PPP1R13L: variants seen among roughly 807,000 people sequenced by gnomAD.
The protein encoded by PPP1R13L is protein phosphatase 1 regulatory subunit 13 like, also known as relA-associated inhibitor.
A neutral mutation model predicts 80.9 loss-of-function variants in PPP1R13L; 50 were observed. The ratio of observed to expected loss-of-function variants is 0.62; its 90% CI spans 0.49 to 0.78. PPP1R13L has a LOEUF of 0.78. PPP1R13L is among the 30% of genes least tolerant of loss of function. PPP1R13L has a pLI of 0.00. For missense variants in PPP1R13L, 1,200 were observed against 1,205.9 expected, an observed-to-expected ratio of 1.00 and a Z score of 0.07; for synonymous variants, 602 against 534.3, an observed-to-expected ratio of 1.13 and a Z score of -1.75.
At chr19:45,393,972 G>A (rs1973031012) in intron 7 of PPP1R13L, among the ~76,000 whole-genome samples, 1 of 151,972 alleles carries the variant, frequency 6.6e-6, no homozygotes, top group Admixed American at 6.6e-5. Flanking sequence ...AATTCTATAG[G>A]GTAGATATTA....
chr19:45,401,170 G>A (rs994594014), intron 1 of PPP1R13L, among the ~76,000 whole-genome samples: 5 of 151,230 alleles, frequency 3.3e-5, no homozygotes, highest in African/African-American at 9.7e-5. Flanking sequence ...TGGCTAACAC[G>A]GTGAAACCCT....
At chr19:45,395,333 G>C in intron 7 of PPP1R13L, 103 bp downstream of exon 7, 2 of 1,437,808 alleles carry the variant, frequency 1.4e-6, no homozygotes, top group Non-Finnish European at 1.9e-6. Context: ...TGCTTGTAAA[G>C]AGGCATTTGG....
rs1353592506 is a variant in PPP1R13L at position 45,386,109 on chromosome 19, C to G, written c.1887G>C (p.Val629=). 4 of 1,574,126 alleles carry G rather than the reference C, an allele frequency of 2.5e-6. No homozygotes were observed. The African/African-American group carries it at 5.4e-5, about 21-fold the overall frequency. Residue 629 remains valine, a synonymous_variant, in exon 9 of 13, where the codon GTG becomes GTC. Coordinates refer to ENST00000360957, the MANE Select transcript of PPP1R13L (RefSeq NM_006663.4). ...CGGTCAGCGCCGCGTCCAGGAGGAG[C>G]ACCAGAGGGTTGAGGCGCGCGCGGC... ...KARRARLNPL[V]LLLDAALTGE...
Position 45,380,096 on chromosome 19 carries a change from G to A in PPP1R13L, c.*94C>T, listed in dbSNP as rs1347448100. 4.9e-5 allele frequency: 68 copies of A among 1,386,246 alleles called. 1 individual carries two copies. Among genetic ancestry groups the A allele is most frequent in the South Asian group, 1.1e-4 (9 of 83,802 alleles). 85.9% of individuals were successfully genotyped at this position (1,386,246 alleles called of 1,614,324 possible). A position where few individuals can be genotyped will look rare whatever the true frequency, so the allele number is the denominator to read the frequency against. The stretch of plus-strand genomic sequence containing the variant: ...AGGACCACCACCAGCAGGGTGAGGG[G>A]TGCAGATAAAGGCAGCAAAAAACAG... On this transcript the variant is annotated 3_prime_UTR_variant, in exon 13 of 13. Transcript: ENST00000360957.
At position 45,396,290 on chromosome 19, in the gene PPP1R13L, G is replaced by C. The variant is rs1484769600; in HGVS notation, c.812-31C>G. The C allele has an allele frequency of 1.2e-6, 2 of 1,613,478 alleles. No individual in the cohort carries two copies. The highest frequency in any genetic ancestry group is 1.7e-6 in the Non-Finnish European group (2 of 1,179,946). On this transcript the variant is annotated intron_variant, in intron 5 of 12. Transcript: ENST00000360957. This position sits in a 1 kb window ranked among gnomAD's most constrained non-coding sequence, Gnocchi z 5.3. ...GGGCGGGAATCATTAGGGTCTGTGG[G>C]GCTGCCTCTCCTCCGGGTCCTCCAT...
intron 12 of PPP1R13L, among the ~76,000 whole-genome samples, chr19:45,381,434 C>T (rs1972761108): frequency 6.6e-6 from 1 of 152,030 alleles, no homozygotes; most frequent in Non-Finnish European, 1.5e-5. Flanking sequence ...CCTCTCCCAG[C>T]CTTAATCTAC....
rs772790679 is a variant in PPP1R13L at position 45,392,018 on chromosome 19, G to A, written c.1677C>T (p.Pro559=). The A allele has an allele frequency of 1.6e-5, 24 of 1,540,418 alleles. No homozygotes were observed. Among genetic ancestry groups the A allele is most frequent in the Middle Eastern group, 1.8e-4 (1 of 5,680 alleles). ...GGGACAGCTCTGGCTCCGGCCCCCC[G>A]GGCCCTGGCCCCCCATGACGATGGA... ...RLFHRHGGPG[P]GGPEPELSPI... Residue 559 remains proline, a synonymous_variant, in exon 8 of 13, where the codon CCC becomes CCT. Coordinates refer to ENST00000360957, the MANE Select transcript of PPP1R13L (RefSeq NM_006663.4).
At chr19:45,399,361 ACG>A (rs1179066673) in intron 1 of PPP1R13L, among the ~76,000 whole-genome samples, 1 of 150,634 alleles carries the variant, frequency 6.6e-6, no homozygotes, top group Non-Finnish European at 1.5e-5. Context: ...GCGGTGGCTC[ACG>A]CCTGTAATTC....
At chr19:45,403,645 G>A (rs984047541) in intron 1 of PPP1R13L, among the ~76,000 whole-genome samples, 5 of 152,140 alleles carry the variant, frequency 3.3e-5, no homozygotes, top group Non-Finnish European at 7.3e-5. Flanking sequence ...TCTAGACAAT[G>A]CGAGCTTTCC....
At chr19:45,394,874 CAG>C (rs1973049222) in intron 7 of PPP1R13L, 1 of 111,878 alleles carries the variant, frequency 8.9e-6, no homozygotes, top group Middle Eastern at 5.3e-3. Flanking sequence ...TTTTTTGAGG[CAG>C]AGTCTCCCCG....
At position 45,392,427 on chromosome 19, in the gene PPP1R13L, C is replaced by A. The variant is rs550829595; in HGVS notation, c.1355-87G>T. On this transcript the variant is annotated intron_variant, in intron 7 of 12. Coordinates refer to ENST00000360957, the MANE Select transcript of PPP1R13L (RefSeq NM_006663.4). Reference sequence around the variant, plus strand: ...CACAACTTCCAGGGCATACAACCAGCACATGATTTTCTGTGTGACCTCAGG... The same window carrying A: ...CACAACTTCCAGGGCATACAACCAGAACATGATTTTCTGTGTGACCTCAGG... The A allele has an allele frequency of 2.1e-5, 29 of 1,369,862 alleles. No homozygotes were observed. The South Asian group carries it at 2.6e-4, about 12-fold the overall frequency. The allele number at this position is 1,369,862 out of a possible 1,614,324, so 84.9% of individuals were successfully genotyped here. A position where few individuals can be genotyped will look rare whatever the true frequency, so the allele number is the denominator to read the frequency against.
chr19:45,399,443 T>C (rs1420183265), intron 1 of PPP1R13L, among the ~76,000 whole-genome samples: 2 of 145,778 alleles, frequency 1.4e-5, no homozygotes, highest in Admixed American at 6.9e-5. Context: ...GCTAACATGG[T>C]GAAACCCCGT....
intron 8 of PPP1R13L, among the ~76,000 whole-genome samples, chr19:45,389,111 G>A (rs143722569): frequency 5.9e-4 from 90 of 152,202 alleles, no homozygotes; most frequent in African/African-American, 2.0e-3. Context: ...ATCCTAAGAC[G>A]GTGACACTAG....
intron 12 of PPP1R13L, among the ~76,000 whole-genome samples, chr19:45,381,988 C>A (rs533177774): frequency 1.4e-3 from 213 of 152,024 alleles, no homozygotes; most frequent in African/African-American, 5.0e-3. Flanking sequence ...TGCCTGTAAT[C>A]CCAGCACTTT....
Position 45,380,191 on chromosome 19 carries a change from T to A in PPP1R13L, c.2486A>T (p.Ter829LeuextTer59), listed in dbSNP as rs1457541808. Residue 829 changes from the stop codon to leucine, a stop_lost, in exon 13 of 13, where the codon TAG becomes TTG. Coordinates refer to ENST00000360957, the MANE Select transcript of PPP1R13L (RefSeq NM_006663.4). ...CCTCAGAAACCTCCTTCTATCCTGC[T>A]AGACTTTACTCCTTTGAGGCTTCAC... ...PRVKPQRSKV[*>L] 1.2e-6 allele frequency: 2 copies of A among 1,614,048 alleles called. No individual in the cohort carries two copies. The highest frequency in any genetic ancestry group is 1.7e-6 in the Non-Finnish European group (2 of 1,179,958).
chr19:45,399,395 AG>A (rs1973184416), intron 1 of PPP1R13L, among the ~76,000 whole-genome samples: 3 of 142,858 alleles, frequency 2.1e-5, no homozygotes, highest in African/African-American at 7.8e-5. Flanking sequence ...GAGGCCAAGG[AG>A]GGCGGATCAC....
intron 11 of PPP1R13L, among the ~76,000 whole-genome samples, chr19:45,383,035 C>T (rs1972797054): frequency 7.2e-6 from 1 of 139,638 alleles, no homozygotes; most frequent in African/African-American, 2.7e-5. Context: ...CGCTCTGTCG[C>T]CCAGGCTGGA....
intron 8 of PPP1R13L, among the ~76,000 whole-genome samples, chr19:45,389,863 T>C (rs1972935747): frequency 6.6e-6 from 1 of 151,990 alleles, no homozygotes; most frequent in South Asian, 2.1e-4. Flanking sequence ...TGGCGCGATC[T>C]CAGCTCACCA....
rs769332146 is a variant in PPP1R13L at position 45,385,511 on chromosome 19, C to T, written c.2248+51G>A. ...AGTAGGGGGTAGTTGCTCCCCTCCC[C>T]GCTCCTGCGCACCCGCCAGGTACCC... On this transcript the variant is annotated intron_variant, in intron 11 of 12. Transcript: ENST00000360957. The T allele has an allele frequency of 2.6e-6, 4 of 1,538,968 alleles. No homozygotes were observed. The African/African-American group carries it at 5.4e-5, about 21-fold the overall frequency.
Sources: gnomAD v4.1 joint callset for allele counts (sites outside exome capture counted in the v4.1 genomes callset) on GRCh38, gnomAD v4.1.1 for gene constraint, Gnocchi (gnomAD v3.1) non-coding constraint, MANE v1.5 for transcripts, NCBI Gene and HGNC (gene_info 2026-07-23, HGNC 2026-07-21) for gene names.